ZBTB20: variants seen among roughly 807,000 people sequenced by gnomAD.
ZBTB20 encodes the protein zinc finger and BTB domain containing 20.
A neutral mutation model predicts 56.9 loss-of-function variants in ZBTB20; 9 were observed. That is an observed-to-expected ratio of 0.16 (90% CI 0.10 to 0.28). The LOEUF is 0.28. ZBTB20 is among the 10% of genes least tolerant of loss of function. ZBTB20 has a pLI of 1.00. For synonymous variants in ZBTB20, 417 were observed against 420.7 expected (o/e 0.99, Z 0.11); for missense variants, 655 against 1,003.0 (o/e 0.65, Z 4.69).
At chr3:114,557,577 G>C (rs2051405342) in intron 6 of ZBTB20, among the ~76,000 whole-genome samples, 1 of 151,914 alleles carries the variant, frequency 6.6e-6, no homozygotes, top group African/African-American at 2.4e-5. Context: ...CTCTGATTAT[G>C]AAATTCAACA....
chr3:114,429,036 A>G (rs981498408), intron 7 of ZBTB20, among the ~76,000 whole-genome samples: 2 of 152,290 alleles, frequency 1.3e-5, no homozygotes, highest in African/African-American at 4.8e-5. Context: ...ATAGATATAG[A>G]TAAGTCTGTA....
chr3:114,707,533 T>C (rs2063784469), intron 5 of ZBTB20, among the ~76,000 whole-genome samples: 1 of 152,184 alleles, frequency 6.6e-6, no homozygotes, highest in Non-Finnish European at 1.5e-5. Context: ...AAGAAAATAG[T>C]CTTCATATAC....
intron 2 of ZBTB20, among the ~76,000 whole-genome samples, chr3:115,024,114 G>A (rs2080316815): frequency 6.6e-6 from 1 of 151,174 alleles, no homozygotes; most frequent in Non-Finnish European, 1.5e-5. Context: ...ACTACTGTTG[G>A]CAGAAAGCAA....
intron 6 of ZBTB20, among the ~76,000 whole-genome samples, chr3:114,674,411 A>G (rs1037233130): frequency 1.2e-4 from 18 of 152,314 alleles, no homozygotes; most frequent in African/African-American, 3.6e-4. Flanking sequence ...GTGCATATGT[A>G]AAGAGGTACT....
At chr3:114,425,566 A>C (rs2089573210) in intron 7 of ZBTB20, among the ~76,000 whole-genome samples, 1 of 152,024 alleles carries the variant, frequency 6.6e-6, no homozygotes, top group East Asian at 1.9e-4. Context: ...TTCTCCCTTC[A>C]TTTATTTCCT....
intron 6 of ZBTB20, chr3:114,528,718 C>T (rs2047508258): frequency 6.6e-6 from 1 of 152,162 alleles, no homozygotes; most frequent in African/African-American, 2.4e-5. Flanking sequence ...GAGAGCATGA[C>T]CTCCCCAGGC....
intron 11 of ZBTB20, among the ~76,000 whole-genome samples, chr3:114,342,613 T>C (rs1207287750): frequency 6.6e-6 from 1 of 152,180 alleles, no homozygotes; most frequent in Non-Finnish European, 1.5e-5. Context: ...ATATAGTAAG[T>C]ACCTGTCTCG....
At chr3:115,075,017 T>C (rs547423255) in intron 1 of ZBTB20, among the ~76,000 whole-genome samples, 1 of 152,302 alleles carries the variant, frequency 6.6e-6, no homozygotes, top group Admixed American at 6.5e-5. Flanking sequence ...TATTACTTTG[T>C]GTTTACGGTT....
intron 6 of ZBTB20, among the ~76,000 whole-genome samples, chr3:114,548,898 A>AT (rs1379586413): frequency 6.6e-6 from 1 of 152,234 alleles, no homozygotes; most frequent in Non-Finnish European, 1.5e-5. Context: ...TTCCTTCATA[A>AT]TTATTAAGAA....
At chr3:114,438,092 G>C (rs527386650) in intron 7 of ZBTB20, among the ~76,000 whole-genome samples, 41 of 152,242 alleles carry the variant, frequency 2.7e-4, no homozygotes, top group African/African-American at 9.6e-4. Context: ...TTTTGAGTAA[G>C]AAGAATAAAA....
chr3:114,763,214 A>T (rs1051962242), intron 5 of ZBTB20, among the ~76,000 whole-genome samples: 2 of 152,106 alleles, frequency 1.3e-5, no homozygotes, highest in African/African-American at 4.8e-5. Context: ...TAAAAATCTA[A>T]AGTTTTCTCA....
intron 5 of ZBTB20, among the ~76,000 whole-genome samples, chr3:114,702,270 C>T (rs530084040): frequency 6.6e-6 from 1 of 152,120 alleles, no homozygotes; most frequent in East Asian, 1.9e-4. Context: ...ATTGATTGAG[C>T]CCAGGAGACC....
rs147601887 is a variant in ZBTB20, at chr3:114,706,256, A to T, written c.-342-12681T>A. Among the ~76,000 whole-genome samples the T allele has an allele frequency of 1.0e-3, 159 of 152,326 alleles. 2 individuals are homozygous for T. The highest frequency in any genetic ancestry group is 3.4e-3 in the Middle Eastern group (1 of 294). Reference sequence around the variant, plus strand: ...CAGGAACGTTGTGAAGATTAGAGACATCCCAGCACAAAGACCCCCTCATAA... The same window carrying T: ...CAGGAACGTTGTGAAGATTAGAGACTTCCCAGCACAAAGACCCCCTCATAA... On this transcript the variant is annotated intron_variant, in intron 5 of 11. Transcript: ENST00000675478.
At chr3:114,423,438 C>A (rs910691302) in intron 7 of ZBTB20, among the ~76,000 whole-genome samples, 2 of 152,148 alleles carry the variant, frequency 1.3e-5, no homozygotes, top group Non-Finnish European at 2.9e-5. Context: ...GTGTTTTATA[C>A]CTTGGAATTC....
At chr3:114,806,207 C>T (rs1326132941) in intron 4 of ZBTB20, among the ~76,000 whole-genome samples, 1 of 151,850 alleles carries the variant, frequency 6.6e-6, no homozygotes, top group Admixed American at 6.6e-5. Flanking sequence ...TTACATCTCC[C>T]CTGGTAATAT....
chr3:114,681,081 T>A (rs2061940824), intron 6 of ZBTB20, among the ~76,000 whole-genome samples: 1 of 152,182 alleles, frequency 6.6e-6, no homozygotes, highest in African/African-American at 2.4e-5. Context: ...ATATATTATC[T>A]CATTTAAATT....
At chr3:115,137,353 C>T (rs999069037) in intron 1 of ZBTB20, among the ~76,000 whole-genome samples, 12 of 151,924 alleles carry the variant, frequency 7.9e-5, no homozygotes, top group African/African-American at 2.9e-4. Context: ...GACAGAAGTA[C>T]TTGGTTGGAG....
intron 1 of ZBTB20, among the ~76,000 whole-genome samples, chr3:115,138,319 G>C (rs1180381013): frequency 6.6e-6 from 1 of 151,856 alleles, no homozygotes; most frequent in Non-Finnish European, 1.5e-5. Context: ...AGCAGTTAGA[G>C]TCTATTCATT....
chr3:114,937,718 G>A (rs1022071219), intron 3 of ZBTB20, among the ~76,000 whole-genome samples: 3 of 152,126 alleles, frequency 2.0e-5, no homozygotes, highest in African/African-American at 7.2e-5. Context: ...ACTGCGGCCA[G>A]CCGTAAATGT....
Sources: gnomAD v4.1 joint callset for allele counts (sites outside exome capture counted in the v4.1 genomes callset) on GRCh38, gnomAD v4.1.1 for gene constraint, MANE v1.5 for transcripts, NCBI Gene and HGNC (gene_info 2026-07-23, HGNC 2026-07-21) for gene names.